SMIM31: variants seen among roughly 807,000 people sequenced by gnomAD.
The protein encoded by SMIM31 is human epithelial cell program regulator.
chr4:164,756,853 T>A (rs1055892750), intron 1 of SMIM31, among the ~76,000 whole-genome samples: 2 of 152,210 alleles, frequency 1.3e-5, no homozygotes, highest in African/African-American at 4.8e-5. Flanking sequence ...CTGAGTTTTG[T>A]CCAATTCTTG....
At chr4:164,771,078 A>G (rs1732795306) in intron 2 of SMIM31, among the ~76,000 whole-genome samples, 1 of 152,230 alleles carries the variant, frequency 6.6e-6, no homozygotes, top group Non-Finnish European at 1.5e-5. Flanking sequence ...AAATCATAAA[A>G]AGCAAATTGC....
intron 2 of SMIM31, among the ~76,000 whole-genome samples, chr4:164,782,122 C>T (rs902409470): frequency 6.6e-6 from 1 of 151,876 alleles, no homozygotes; most frequent in Non-Finnish European, 1.5e-5. Flanking sequence ...GAAACCCCAT[C>T]TCTACCAAAA....
chr4:164,776,245 T>C (rs1732878628), intron 2 of SMIM31, among the ~76,000 whole-genome samples: 1 of 152,222 alleles, frequency 6.6e-6, no homozygotes, highest in Admixed American at 6.5e-5. Context: ...AATATTTCAC[T>C]AATTTGGTGC....
rs192151026 is a variant in SMIM31, at chr4:164,793,315, T to C, written c.113-7776T>C. Reference sequence around the variant, plus strand: ...TATTCCAAACCTCGGTATCCCACAATAACTCAGGTAACAAACCTGTGTTTG... The same window carrying C: ...TATTCCAAACCTCGGTATCCCACAACAACTCAGGTAACAAACCTGTGTTTG... On this transcript the variant is annotated intron_variant, in intron 2 of 2. Coordinates refer to ENST00000507311, the MANE Select transcript of SMIM31 (RefSeq NM_001352885.1). 8.5e-4 allele frequency among the ~76,000 whole-genome samples: 129 copies of C among 152,252 alleles called. No individual in the cohort carries two copies. The East Asian group carries it at 0.022, about 26-fold the overall frequency.
At chr4:164,794,798 C>T (rs908436310) in intron 2 of SMIM31, among the ~76,000 whole-genome samples, 4 of 150,106 alleles carry the variant, frequency 2.7e-5, no homozygotes, top group Admixed American at 2.0e-4. Flanking sequence ...AGCAAGACTC[C>T]GTCTCAAAAA....
chr4:164,764,427 C>G (rs568262198), intron 1 of SMIM31, among the ~76,000 whole-genome samples: 1 of 152,044 alleles, frequency 6.6e-6, no homozygotes, highest in South Asian at 2.1e-4. Flanking sequence ...ATTAGCTGAG[C>G]GTGGTGGCGT....
intron 1 of SMIM31, among the ~76,000 whole-genome samples, chr4:164,757,672 A>T (rs959426116): frequency 6.6e-6 from 1 of 152,136 alleles, no homozygotes; most frequent in Non-Finnish European, 1.5e-5. Context: ...TTTCAAAAAA[A>T]CATTTTCTTT....
chr4:164,790,622 AAAAAT>A (rs1030401801), intron 2 of SMIM31, among the ~76,000 whole-genome samples: 72 of 152,312 alleles, frequency 4.7e-4, no homozygotes, highest in African/African-American at 1.6e-3. Flanking sequence ...ATTTGGACAA[AAAAAT>A]AAAATAAAGT....
chr4:164,785,425 A>T (rs1461529903), intron 2 of SMIM31, among the ~76,000 whole-genome samples: 2 of 152,138 alleles, frequency 1.3e-5, no homozygotes, highest in Non-Finnish European at 2.9e-5. Context: ...CATTAGTAAG[A>T]TTCAATCTCC....
chr4:164,801,641 C>T lies in SMIM31; in HGVS notation c.*447C>T, dbSNP rs774317086. The T allele has an allele frequency of 3.2e-4, 49 of 152,408 alleles. 1 individual carries two copies. The highest frequency in any genetic ancestry group is 1.5e-3 in the East Asian group (8 of 5,194). 9.4% of individuals were successfully genotyped at this position (152,408 alleles called of 1,614,324 possible). ...CTATAAGTAACTGTGTTATTGCTTC[C>T]GTATCTGAAATAGGTGAAAGAGGGA... On this transcript the variant is annotated 3_prime_UTR_variant, in exon 3 of 3. Transcript: ENST00000507311.
chr4:164,784,904 T>C (rs1432626954), intron 2 of SMIM31, among the ~76,000 whole-genome samples: 1 of 151,638 alleles, frequency 6.6e-6, no homozygotes, highest in Non-Finnish European at 1.5e-5. Flanking sequence ...TTTGGGTTTT[T>C]TTTTTTAATT....
At chr4:164,762,662 CAAAAA>C (rs1162067333) in intron 1 of SMIM31, among the ~76,000 whole-genome samples, 13,377 of 100,248 alleles carry the variant, frequency 0.13, 657 homozygotes, top group African/African-American at 0.17. Flanking sequence ...GACTCTGTCT[CAAAAA>C]AAAAAAAAAA....
intron 2 of SMIM31, among the ~76,000 whole-genome samples, chr4:164,791,766 G>A (rs1173812287): frequency 6.6e-6 from 1 of 152,042 alleles, no homozygotes; most frequent in Non-Finnish European, 1.5e-5. Flanking sequence ...TTGTGGAGTG[G>A]TGAAGTCTGG....
At chr4:164,788,625 G>A (rs568029718) in intron 2 of SMIM31, among the ~76,000 whole-genome samples, 19 of 150,652 alleles carry the variant, frequency 1.3e-4, no homozygotes, top group African/African-American at 4.1e-4. Context: ...GAGTAGCTGG[G>A]ATTACAGGCA....
chr4:164,781,841 C>A (rs940844787), intron 2 of SMIM31, among the ~76,000 whole-genome samples: 1 of 152,210 alleles, frequency 6.6e-6, no homozygotes, highest in South Asian at 2.1e-4. Flanking sequence ...CAGAAAACAG[C>A]ACAGTGGCTG....
At position 164,793,698 on chromosome 4, in the gene SMIM31, C is replaced by G. The variant is rs912740814; in HGVS notation, c.113-7393C>G. On this transcript the variant is annotated intron_variant, in intron 2 of 2. Coordinates refer to ENST00000507311, the MANE Select transcript of SMIM31 (RefSeq NM_001352885.1). ...GGATACTAATTCTATTAGACCTGAGCCCCATCCTTATGACCTCATTGAACC... is the reference window on the plus strand; with the variant it reads ...GGATACTAATTCTATTAGACCTGAGGCCCATCCTTATGACCTCATTGAACC... Among the ~76,000 whole-genome samples, 114 of 152,028 alleles carry G rather than the reference C, an allele frequency of 7.5e-4. 1 individual carries two copies. The highest frequency in any genetic ancestry group is 7.3e-3 in the Admixed American group (112 of 15,266).
intron 2 of SMIM31, among the ~76,000 whole-genome samples, chr4:164,798,328 G>A (rs1482374295): frequency 6.6e-6 from 1 of 151,684 alleles, no homozygotes; most frequent in African/African-American, 2.4e-5. Context: ...CCGCCTCCTG[G>A]GTTCACGCCA....
intron 2 of SMIM31, among the ~76,000 whole-genome samples, chr4:164,792,289 A>G (rs1005648529): frequency 6.6e-6 from 1 of 152,116 alleles, no homozygotes. Flanking sequence ...TTGAAAATAT[A>G]TTTTTTAAAG....
intron 2 of SMIM31, among the ~76,000 whole-genome samples, chr4:164,798,224 A>ATTTTTTT (rs1370282043): frequency 3.5e-5 from 3 of 85,730 alleles, no homozygotes; most frequent in African/African-American, 1.2e-4. Flanking sequence ...TGATATAATG[A>ATTTTTTT]TTTTTATTTT....
Sources: allele counts gnomAD v4.1 joint callset (sites outside exome capture counted in the v4.1 genomes callset), GRCh38; gene constraint gnomAD v4.1.1; transcripts MANE v1.5; gene names NCBI Gene and HGNC (gene_info 2026-07-23, HGNC 2026-07-21).